LRRC4C: variants seen among roughly 807,000 people sequenced by gnomAD.
LRRC4C encodes the protein leucine rich repeat containing 4C.
A neutral mutation model predicts 33.6 loss-of-function variants in LRRC4C; 5 were observed. The ratio of observed to expected loss-of-function variants is 0.15; its 90% CI spans 0.08 to 0.31. The LOEUF is 0.31. Ranked by LOEUF, LRRC4C falls within the 10% of genes least tolerant of loss-of-function variation. The probability of loss-of-function intolerance (pLI) is 1.00; values close to 1 mark genes in which losing one functional copy is unlikely to be tolerated. For synonymous variants in LRRC4C, 329 were observed against 302.0 expected (o/e 1.09, Z -0.93); for missense variants, 560 against 796.7 (o/e 0.70, Z 3.58).
At chr11:40,860,777 C>CTTTT (rs60307580) in intron 2 of LRRC4C, among the ~76,000 whole-genome samples, 1 of 43,226 alleles carries the variant, frequency 2.3e-5, no homozygotes, top group African/African-American at 8.9e-5. Flanking sequence ...GGCTTAGGAT[C>CTTTT]TTTTTTTTTT....
intron 2 of LRRC4C, among the ~76,000 whole-genome samples, chr11:40,895,795 C>T (rs1379638736): frequency 6.6e-6 from 1 of 152,082 alleles, no homozygotes; most frequent in East Asian, 1.9e-4. Context: ...GTATTATTAT[C>T]TGCTAATAAT....
chr11:40,373,679 T>C (rs1183819994), intron 3 of LRRC4C, among the ~76,000 whole-genome samples: 1 of 152,130 alleles, frequency 6.6e-6, no homozygotes, highest in Non-Finnish European at 1.5e-5. Context: ...ATGAACGGCC[T>C]GGCACCATCC....
At chr11:40,405,723 G>C (rs1949941127) in intron 3 of LRRC4C, among the ~76,000 whole-genome samples, 1 of 137,564 alleles carries the variant, frequency 7.3e-6, no homozygotes, top group Non-Finnish European at 1.6e-5. Context: ...TACAAAAGAA[G>C]TTTTGAGAAA....
chr11:41,154,802 G>A (rs973274262), intron 1 of LRRC4C, among the ~76,000 whole-genome samples: 20 of 152,232 alleles, frequency 1.3e-4, no homozygotes, highest in Admixed American at 9.2e-4. Context: ...CTTGTGAAAG[G>A]AACATTCCAC....
At chr11:40,430,296 G>T (rs1033010856) in intron 3 of LRRC4C, among the ~76,000 whole-genome samples, 2 of 152,058 alleles carry the variant, frequency 1.3e-5, no homozygotes, top group African/African-American at 4.8e-5. Context: ...GTTGGTGAAG[G>T]ATTATTAATG....
chr11:41,277,181 T>C (rs1330610919), intron 1 of LRRC4C, among the ~76,000 whole-genome samples: 1 of 152,292 alleles, frequency 6.6e-6, no homozygotes, highest in East Asian at 1.9e-4. Flanking sequence ...GCAGCATTTA[T>C]TCCTCAAAAT....
intron 1 of LRRC4C, among the ~76,000 whole-genome samples, chr11:41,410,008 G>T (rs1565651099): frequency 6.6e-6 from 1 of 152,184 alleles, no homozygotes; most frequent in Non-Finnish European, 1.5e-5. Flanking sequence ...CTCAGAAGAT[G>T]CATGTATATT....
At chr11:41,232,061 T>C (rs532367907) in intron 1 of LRRC4C, among the ~76,000 whole-genome samples, 1 of 152,110 alleles carries the variant, frequency 6.6e-6, no homozygotes, top group South Asian at 2.1e-4. Context: ...TTTCATGACT[T>C]TTTTCAAGCT....
intron 4 of LRRC4C, among the ~76,000 whole-genome samples, chr11:40,300,314 C>G (rs1313361445): frequency 6.6e-6 from 1 of 152,142 alleles, no homozygotes; most frequent in African/African-American, 2.4e-5. Flanking sequence ...CAAACCATAT[C>G]AGAAACGCTA....
intron 3 of LRRC4C, among the ~76,000 whole-genome samples, chr11:40,332,122 C>T (rs141479491): frequency 3.3e-5 from 5 of 152,206 alleles, no homozygotes; most frequent in Admixed American, 2.0e-4. Context: ...TTTCCTAGGG[C>T]GGCCATAACA....
intron 1 of LRRC4C, among the ~76,000 whole-genome samples, chr11:40,950,364 C>A (rs17412906): frequency 0.24 from 37,007 of 151,924 alleles, 4,924 homozygotes; most frequent in Middle Eastern, 0.32. Context: ...ATTAGAAAAC[C>A]CTTACTTTTC....
intron 3 of LRRC4C, among the ~76,000 whole-genome samples, chr11:40,382,865 T>C (rs1948945765): frequency 6.6e-6 from 1 of 151,894 alleles, no homozygotes; most frequent in Admixed American, 6.6e-5. Context: ...AGCTAATTTT[T>C]TGTATTTTTA....
intron 1 of LRRC4C, among the ~76,000 whole-genome samples, chr11:41,060,841 C>A (rs1937704640): frequency 6.6e-6 from 1 of 152,098 alleles, no homozygotes; most frequent in African/African-American, 2.4e-5. Flanking sequence ...ATTTCTCTGT[C>A]TTCATTCTCT....
intron 3 of LRRC4C, among the ~76,000 whole-genome samples, chr11:40,396,430 A>C (rs1166531482): frequency 1.3e-5 from 2 of 152,064 alleles, no homozygotes; most frequent in Non-Finnish European, 2.9e-5. Flanking sequence ...GTTCAAGTTA[A>C]AGATTTGTTA....
intron 1 of LRRC4C, among the ~76,000 whole-genome samples, chr11:41,291,755 C>T (rs1949999845): frequency 6.6e-6 from 1 of 152,172 alleles, no homozygotes; most frequent in Non-Finnish European, 1.5e-5. Flanking sequence ...TACCCTCAAA[C>T]CTTTCTTGTG....
Position 41,180,971 on chromosome 11 carries a change from T to G in LRRC4C, c.-495-247248A>C, listed in dbSNP as rs145890385. On this transcript the variant is annotated intron_variant, in intron 1 of 6. Coordinates refer to ENST00000528697, the MANE Select transcript of LRRC4C (RefSeq NM_001258419.2). ...ATGAGTTGCGAATTCTAGTTAGACA[T>G]GTATTCGTGCAGACTCAGTTACCAG... is the stretch of plus-strand genomic sequence containing the variant. 2.8e-3 allele frequency among the ~76,000 whole-genome samples: 420 copies of G among 152,140 alleles called. 1 individual carries two copies. The highest frequency in any genetic ancestry group is 8.3e-3 in the African/African-American group (345 of 41,504).
In LRRC4C at chr11:40,895,375, C is replaced by CA. The variant is rs762786387; in HGVS notation, c.-407+38259dup. Among the ~76,000 whole-genome samples, 299 of 150,726 alleles carry CA rather than the reference C, an allele frequency of 2.0e-3. 1 individual carries two copies. The highest frequency in any genetic ancestry group is 6.8e-3 in the Middle Eastern group (2 of 292). ...TTTTTATCTAAACTAATTAAAATAC[C>CA]AAAAAAAACCCCAAAATTACATTTA... On this transcript the variant is annotated intron_variant, in intron 2 of 6. Transcript: ENST00000528697.
intron 1 of LRRC4C, among the ~76,000 whole-genome samples, chr11:40,955,669 T>C (rs1958921658): frequency 6.6e-6 from 1 of 151,758 alleles, no homozygotes; most frequent in South Asian, 2.1e-4. Flanking sequence ...TAAAACAGAT[T>C]GTCAATCATA....
At chr11:40,961,798 C>T (rs1027276048) in intron 1 of LRRC4C, among the ~76,000 whole-genome samples, 2 of 151,568 alleles carry the variant, frequency 1.3e-5, no homozygotes, top group Non-Finnish European at 3.0e-5. Flanking sequence ...AAACGCTTGT[C>T]TATTTTATTC....
Sources: allele counts gnomAD v4.1 joint callset (sites outside exome capture counted in the v4.1 genomes callset), GRCh38; gene constraint gnomAD v4.1.1; transcripts MANE v1.5; gene names NCBI Gene and HGNC (gene_info 2026-07-23, HGNC 2026-07-21).